MEGF11: variants seen among roughly 807,000 people sequenced by gnomAD.
MEGF11 encodes the protein multiple EGF like domains 11, also known as multiple epidermal growth factor-like domains protein 11.
MEGF11 carries 126 observed loss-of-function variants against 146.6 expected under a neutral mutation model. The ratio of observed to expected loss-of-function variants is 0.86; its 90% confidence interval spans 0.74 to 1.00. The LOEUF is 1.00. Among genes scored for constraint, MEGF11 ranks in the 50% least tolerant of loss-of-function variants. MEGF11 has a pLI of 0.00. For missense variants in MEGF11, 1,509 were observed against 1,521.2 expected, an observed-to-expected ratio of 0.99 and a Z score of 0.13; for synonymous variants, 532 against 583.4, an observed-to-expected ratio of 0.91 and a Z score of 1.27.
chr15:66,114,300 A>G (rs1054517098), intron 4 of MEGF11, among the ~76,000 whole-genome samples: 1 of 152,192 alleles, frequency 6.6e-6, no homozygotes, highest in Non-Finnish European at 1.5e-5. Flanking sequence ...GCAACATTCC[A>G]GAGAGTTGCT....
intron 4 of MEGF11, among the ~76,000 whole-genome samples, chr15:66,109,373 G>A (rs1188035720): frequency 2.0e-5 from 3 of 152,098 alleles, no homozygotes; most frequent in African/African-American, 7.2e-5. Context: ...TGTCTCCCAC[G>A]TCTCGCCTTT....
intron 5 of MEGF11, among the ~76,000 whole-genome samples, chr15:66,057,243 G>A (rs1161440166): frequency 6.6e-6 from 1 of 152,176 alleles, no homozygotes; most frequent in African/African-American, 2.4e-5. Context: ...CGAGGGTAGG[G>A]CGTCGGGGAG....
At position 65,998,975 on chromosome 15, in the gene MEGF11, C is replaced by A. The variant is rs148461635; in HGVS notation, c.395-16487G>T. ...GGTAGAAGTGGCCCAGGCCTCAGCA[C>A]CCCCTCATTCTGTCTAGCGGGGCCC... is the stretch of plus-strand genomic sequence containing the variant. On this transcript the variant is annotated intron_variant, in intron 5 of 25. Transcript: ENST00000395614. Among the ~76,000 whole-genome samples, 533 of 152,064 alleles carry A rather than the reference C, an allele frequency of 3.5e-3. 2 individuals are homozygous for A. The highest frequency in any genetic ancestry group is 0.012 in the African/African-American group (502 of 41,464).
At chr15:66,154,387 G>A (rs945971251) in intron 1 of MEGF11, among the ~76,000 whole-genome samples, 4 of 152,132 alleles carry the variant, frequency 2.6e-5, no homozygotes, top group African/African-American at 7.2e-5. Flanking sequence ...TACTTGCCCC[G>A]CAAGAGCCAA....
intron 10 of MEGF11, among the ~76,000 whole-genome samples, chr15:65,956,893 A>G (rs1430629871): frequency 6.6e-6 from 1 of 152,250 alleles, no homozygotes; most frequent in Non-Finnish European, 1.5e-5. Flanking sequence ...AAATAGGTAC[A>G]TTCATACACA....
chr15:65,912,398 G>T (rs906833683), intron 20 of MEGF11, 198 bp from the exon 21 acceptor site: 1 of 369,612 alleles, frequency 2.7e-6, no homozygotes. Flanking sequence ...CCCTTACGCT[G>T]GTCCTCCCTG....
chr15:65,965,321 T>C (rs926765122), intron 8 of MEGF11: 5 of 501,032 alleles, frequency 1.0e-5, no homozygotes, highest in Admixed American at 7.6e-5. Flanking sequence ...CTGCCTTTCA[T>C]GCCAGGTCGG....
At chr15:65,932,763 A>C (rs959981695) in intron 10 of MEGF11, among the ~76,000 whole-genome samples, 1 of 152,000 alleles carries the variant, frequency 6.6e-6, no homozygotes, top group Non-Finnish European at 1.5e-5. Flanking sequence ...TGCCGGAGCA[A>C]GTGGTCACTG....
intron 24 of MEGF11, among the ~76,000 whole-genome samples, chr15:65,899,625 C>T (rs1402887065): frequency 6.6e-6 from 1 of 152,120 alleles, no homozygotes. Flanking sequence ...GTATCCCTGC[C>T]CTCCAGGAGC....
At chr15:66,099,206 T>TTC (rs1555470542) in intron 4 of MEGF11, among the ~76,000 whole-genome samples, 9 of 39,624 alleles carry the variant, frequency 2.3e-4, no homozygotes, top group African/African-American at 5.2e-4. Context: ...TCCTTTTTCT[T>TTC]TTTTTTTTTT....
At chr15:65,997,789 G>T (rs78252851) in intron 5 of MEGF11, among the ~76,000 whole-genome samples, 3,509 of 152,280 alleles carry the variant, frequency 0.023, 136 homozygotes, top group African/African-American at 0.079. Flanking sequence ...ATTATAAGTT[G>T]CAGTAAGGGT....
At chr15:66,112,017 A>G (rs1056522599) in intron 4 of MEGF11, among the ~76,000 whole-genome samples, 12 of 151,942 alleles carry the variant, frequency 7.9e-5, no homozygotes, top group African/African-American at 2.7e-4. Flanking sequence ...ATGTAAAACT[A>G]ATGTGTAGGG....
At chr15:65,950,709 T>C (rs2080373498) in intron 10 of MEGF11, among the ~76,000 whole-genome samples, 1 of 152,200 alleles carries the variant, frequency 6.6e-6, no homozygotes, top group Non-Finnish European at 1.5e-5. Flanking sequence ...GCAAAGCTGG[T>C]ATTCGAAGGC....
In MEGF11 at chr15:66,095,364, C is replaced by T. The variant is rs77023292; in HGVS notation, c.302-870G>A. Among the ~76,000 whole-genome samples the T allele has an allele frequency of 5.0e-3, 757 of 152,360 alleles. 2 individuals are homozygous for T. Among genetic ancestry groups the T allele is most frequent in the Non-Finnish European group, 7.8e-3 (533 of 68,046 alleles). ...ACAGAAAGCCCCCATGTGCCACCTC[C>T]ACCAAGTCTGAAAGCTCAGGGAATC... On this transcript the variant is annotated intron_variant, in intron 4 of 25. Coordinates refer to ENST00000395614, the MANE Select transcript of MEGF11 (RefSeq NM_001385028.1).
chr15:66,197,119 C>CA (rs2091027500), intron 1 of MEGF11, among the ~76,000 whole-genome samples: 1 of 152,234 alleles, frequency 6.6e-6, no homozygotes, highest in Non-Finnish European at 1.5e-5. Flanking sequence ...AGTTCTTAGA[C>CA]ACTTCATATG....
At position 65,982,908 on chromosome 15, in the gene MEGF11, C is replaced by T. The variant is rs1330769745; in HGVS notation, c.395-420G>A. On this transcript the variant is annotated intron_variant, in intron 5 of 25. Coordinates refer to ENST00000395614, the MANE Select transcript of MEGF11 (RefSeq NM_001385028.1). The surrounding 1 kb of genome is among the most constrained non-coding windows in gnomAD (Gnocchi z 5.6). Reference sequence around the variant, plus strand: ...TTCTTTTCCCATCTGCCACCCCTCTCCTCTGTGACCCTACCCCTCTCTTCT... The same window carrying T: ...TTCTTTTCCCATCTGCCACCCCTCTTCTCTGTGACCCTACCCCTCTCTTCT... 1.3e-5 allele frequency among the ~76,000 whole-genome samples: 2 copies of T among 148,986 alleles called. No homozygotes were observed. The highest frequency in any genetic ancestry group is 3.0e-5 in the Non-Finnish European group (2 of 66,624).
In MEGF11 at chr15:66,193,192, G is replaced by A. The variant is rs76908761; in HGVS notation, c.-9+60413C>T. On this transcript the variant is annotated intron_variant, in intron 1 of 25. Coordinates refer to ENST00000395614, the MANE Select transcript of MEGF11 (RefSeq NM_001385028.1). ...ACTTCTAGTTATGGAAAAAAATCCT[G>A]TTCTTTGACTCCAAACCCATTATGA... Among the ~76,000 whole-genome samples, 10 of 152,138 alleles carry A rather than the reference G, an allele frequency of 6.6e-5. No individual in the cohort carries two copies. The East Asian group carries it at 1.9e-3, about 29-fold the overall frequency.
At chr15:66,017,280 C>A (rs962529941) in intron 5 of MEGF11, among the ~76,000 whole-genome samples, 1 of 152,154 alleles carries the variant, frequency 6.6e-6, no homozygotes, top group Non-Finnish European at 1.5e-5. Context: ...TGCTGGTGCC[C>A]CTGGGTCCTC....
chr15:65,957,682 G>T lies in MEGF11; in HGVS notation c.1152C>A (p.Gly384=), dbSNP rs559885195. 2 of 1,613,900 alleles carry T rather than the reference G, an allele frequency of 1.2e-6. No homozygotes were observed. The highest frequency in any genetic ancestry group is 1.7e-5 in the Admixed American group (1 of 60,018). The part of the protein sequence containing the change: ...PVTGACTCQP[G]WSGHHCNESC... The stretch of plus-strand genomic sequence containing the variant: ...ATTCATTGCAGTGGTGACCAGACCA[G>T]CCTGGCTGGCAGGTACAAGCTCCAG... Residue 384 remains glycine, a synonymous_variant, in exon 10 of 26, where the codon GGC becomes GGA. Coordinates refer to ENST00000395614, the MANE Select transcript of MEGF11 (RefSeq NM_001385028.1).
Sources: allele counts gnomAD v4.1 joint callset (sites outside exome capture counted in the v4.1 genomes callset), GRCh38; gene constraint gnomAD v4.1.1; non-coding constraint Gnocchi (gnomAD v3.1); transcripts MANE v1.5; gene names NCBI Gene and HGNC (gene_info 2026-07-23, HGNC 2026-07-21).